JDP2: variants seen among roughly 807,000 people sequenced by gnomAD.
JDP2 encodes the protein Jun dimerization protein 2, also known as progesterone receptor co-activator.
Under a neutral mutation model 17.1 loss-of-function variants are expected in JDP2, and 9 were observed. That is an observed-to-expected ratio of 0.53 (90% confidence interval 0.32 to 0.92). The LOEUF (loss-of-function observed/expected upper bound fraction) is 0.92, where lower values mean the gene tolerates loss of function less well. Ranked by LOEUF, JDP2 falls within the 40% of genes least tolerant of loss-of-function variation. The pLI is 0.04. For synonymous variants in JDP2, 107 were observed against 95.6 expected, an observed-to-expected ratio of 1.12 and a Z score of -0.69; for missense variants, 179 against 220.0, an observed-to-expected ratio of 0.81 and a Z score of 1.18.
intron 2 of JDP2, chr14:75,445,506 C>A: frequency 1.0e-6 from 1 of 985,438 alleles, no homozygotes; most frequent in Non-Finnish European, 1.2e-6. Context: ...CGAATAAAAA[C>A]CCTTGCCTTT....
intron 1 of JDP2, among the ~76,000 whole-genome samples, chr14:75,431,674 TCTG>T (rs1290790136): frequency 6.6e-6 from 1 of 152,242 alleles, no homozygotes; most frequent in East Asian, 1.9e-4. Flanking sequence ...TTGTTTCTGT[TCTG>T]CAGTCAACTG....
At chr14:75,442,512 C>T in intron 2 of JDP2, among the ~76,000 whole-genome samples, 1 of 152,196 alleles carries the variant, frequency 6.6e-6, no homozygotes. Context: ...TTTGTTTGAA[C>T]ATTATGAGCT....
chr14:75,435,739 G>A (rs567001886), intron 1 of JDP2, among the ~76,000 whole-genome samples: 57 of 152,310 alleles, frequency 3.7e-4, no homozygotes, highest in Non-Finnish European at 6.6e-4. Flanking sequence ...CAATGTGATT[G>A]AGCCTCAGAT....
At chr14:75,467,211 A>G (rs1394929955) in intron 3 of JDP2, among the ~76,000 whole-genome samples, 2 of 152,144 alleles carry the variant, frequency 1.3e-5, no homozygotes, top group South Asian at 4.1e-4. Flanking sequence ...TTCTAAACCC[A>G]TCCTAAGCTT....
At chr14:75,464,832 T>C (rs1886504515) in intron 3 of JDP2, among the ~76,000 whole-genome samples, 1 of 152,330 alleles carries the variant, frequency 6.6e-6, no homozygotes, top group African/African-American at 2.4e-5. Flanking sequence ...GCTGCCTCAG[T>C]ACATCCTCCA....
At position 75,472,904 on chromosome 14, in the gene JDP2, A is replaced by G; in HGVS notation, c.*3429A>G. 1 of 152,292 alleles carries G rather than the reference A, an allele frequency of 6.6e-6. No homozygotes were observed. The highest frequency in any genetic ancestry group is 1.9e-4 in the East Asian group (1 of 5,204). 9.4% of individuals were successfully genotyped at this position (152,292 alleles called of 1,614,324 possible). A position where few individuals can be genotyped will look rare whatever the true frequency, so the allele number is the denominator to read the frequency against. ...GGTCACAACCAGCCATGCTGGATGC[A>G]TCATTCCCTCCCTGGGCCTCAGTGT... is the stretch of plus-strand genomic sequence containing the variant. On this transcript the variant is annotated 3_prime_UTR_variant, in exon 4 of 4. Transcript: ENST00000651602.
At chr14:75,429,512 C>T (rs950884902) in intron 1 of JDP2, among the ~76,000 whole-genome samples, 9 of 152,110 alleles carry the variant, frequency 5.9e-5, no homozygotes, top group African/African-American at 2.2e-4. Context: ...ACTGCATTCG[C>T]GTATCATCTC....
chr14:75,470,022 AG>A lies in JDP2; in HGVS notation c.*549del, dbSNP rs1173653670. On this transcript the variant is annotated 3_prime_UTR_variant, in exon 4 of 4. Transcript: ENST00000651602. ...TCGGTCCAGCGCGGCCCTGCCCAGG[AG>A]GCGGCAGCCGGGCGCACCCTCGCCA... is the stretch of plus-strand genomic sequence containing the variant. The A allele has an allele frequency of 2.6e-5, 4 of 152,822 alleles. 1 individual carries two copies. Among genetic ancestry groups the A allele is most frequent in the Middle Eastern group, 6.3e-3 (2 of 318 alleles). 9.5% of individuals were successfully genotyped at this position (152,822 alleles called of 1,614,324 possible).
chr14:75,445,564 C>T, intron 2 of JDP2: 2 of 985,402 alleles, frequency 2.0e-6, no homozygotes, highest in Non-Finnish European at 2.4e-6. Context: ...AATAGTTTGG[C>T]TCTGGAGAGT....
intron 1 of JDP2, among the ~76,000 whole-genome samples, chr14:75,435,788 G>A (rs1048986874): frequency 6.6e-6 from 1 of 152,214 alleles, no homozygotes; most frequent in African/African-American, 2.4e-5. Flanking sequence ...GTGAAGGAAG[G>A]AGAGAAAGGA....
Position 75,428,030 on chromosome 14 carries a change from C to A in JDP2, c.-246C>A, listed in dbSNP as rs1196795667. On this transcript the variant is annotated 5_prime_UTR_variant, in exon 1 of 4. Coordinates refer to ENST00000651602, the MANE Select transcript of JDP2 (RefSeq NM_001135048.2). The surrounding 1 kb of genome is among the most constrained non-coding windows in gnomAD (Gnocchi z 5.6). ...CTGATGCAACCCGTCCCGCCGCCCG[C>A]CACAGCCTGCGGGAGGGACGCTCGG... 14 of 150,534 alleles carry A rather than the reference C, an allele frequency of 9.3e-5. No individual in the cohort carries two copies. The East Asian group carries it at 2.7e-3, about 29-fold the overall frequency. The allele number at this position is 150,534 out of a possible 1,614,324, so 9.3% of individuals were successfully genotyped here.
intron 2 of JDP2, among the ~76,000 whole-genome samples, chr14:75,450,886 C>T (rs1885823872): frequency 6.6e-6 from 1 of 152,188 alleles, no homozygotes; most frequent in African/African-American, 2.4e-5. Flanking sequence ...AGGATACGCT[C>T]AGAGCAGAGG....
At chr14:75,468,050 AC>A (rs1019400314) in intron 3 of JDP2, among the ~76,000 whole-genome samples, 5 of 151,634 alleles carry the variant, frequency 3.3e-5, no homozygotes, top group Admixed American at 3.3e-4. Context: ...GGTTCTGGGG[AC>A]CCCCTGGGGA....
chr14:75,442,740 C>T (rs1885412228), intron 2 of JDP2, among the ~76,000 whole-genome samples: 2 of 152,134 alleles, frequency 1.3e-5, no homozygotes, highest in South Asian at 4.1e-4. Context: ...ATTTCTAGAC[C>T]TCACCCAAGG....
In JDP2 at chr14:75,440,655, G is replaced by T. The variant is rs867719498; in HGVS notation, c.201+2534G>T. On this transcript the variant is annotated intron_variant, in intron 2 of 3. Transcript: ENST00000651602. The stretch of plus-strand genomic sequence containing the variant: ...GAAGAGTTTGAGGTCTAGGGAGGGG[G>T]TTCAGTCACTCAGGGTCACACTGCT... Among the ~76,000 whole-genome samples the T allele has an allele frequency of 7.2e-5, 11 of 152,324 alleles. No individual in the cohort carries two copies. In the Middle Eastern group the frequency reaches 0.01, roughly 141 times the overall value.
chr14:75,437,444 T>C (rs1463364775), intron 1 of JDP2, among the ~76,000 whole-genome samples: 2 of 152,250 alleles, frequency 1.3e-5, no homozygotes, highest in African/African-American at 4.8e-5. Context: ...TCTGCCGTTA[T>C]AATTCGCTCT....
At chr14:75,433,564 T>TTC (rs1397922992) in intron 1 of JDP2, among the ~76,000 whole-genome samples, 17 of 150,114 alleles carry the variant, frequency 1.1e-4, no homozygotes, top group African/African-American at 3.7e-4. Context: ...TTTTTTTTTT[T>TTC]CAAGTTCTTT....
chr14:75,439,703 A>T (rs1885245471), intron 2 of JDP2, among the ~76,000 whole-genome samples: 1 of 152,160 alleles, frequency 6.6e-6, no homozygotes, highest in Non-Finnish European at 1.5e-5. Flanking sequence ...TTCTGAATTG[A>T]TCTTGTAAGC....
chr14:75,455,094 T>C (rs918424066), intron 2 of JDP2, among the ~76,000 whole-genome samples: 15 of 152,128 alleles, frequency 9.9e-5, no homozygotes, highest in African/African-American at 3.6e-4. Context: ...AAATGGACTG[T>C]GTGAGTCCTT....
Sources: gnomAD v4.1 joint callset for allele counts (sites outside exome capture counted in the v4.1 genomes callset) on GRCh38, gnomAD v4.1.1 for gene constraint, Gnocchi (gnomAD v3.1) non-coding constraint, MANE v1.5 for transcripts, NCBI Gene and HGNC (gene_info 2026-07-23, HGNC 2026-07-21) for gene names.